Variants in OTUD7A observed in about 807,000 individuals in gnomAD.
OTUD7A encodes the protein OTU domain-containing protein 7A.
In OTUD7A, 12 loss-of-function variants were observed where a neutral mutation model predicts 65.7. The ratio of observed to expected loss-of-function variants is 0.18; its 90% CI spans 0.12 to 0.30. The LOEUF is 0.30. Ranked by LOEUF, OTUD7A falls within the 10% of genes least tolerant of loss-of-function variation. The pLI is 1.00. For missense variants in OTUD7A, 1,148 were observed against 1,304.8 expected, an observed-to-expected ratio of 0.88 and a Z score of 1.85; for synonymous variants, 641 against 586.3, an observed-to-expected ratio of 1.09 and a Z score of -1.35.
chr15:31,582,274 A>G (rs1889395869), intron 3 of OTUD7A, among the ~76,000 whole-genome samples: 1 of 152,258 alleles, frequency 6.6e-6, no homozygotes, highest in Admixed American at 6.5e-5. Context: ...AAAGCCATTC[A>G]GCAAGTCTCT....
rs2202236 is a variant in OTUD7A at position 31,730,481 on chromosome 15, A to G, written c.-99-73404T>C. 1.2e-4 allele frequency among the ~76,000 whole-genome samples: 19 copies of G among 152,262 alleles called. No homozygotes were observed. The South Asian group carries it at 3.5e-3, about 28-fold the overall frequency. ...CTGTCAAAGGCATCAAATTCCCTCT[A>G]TGAGTTTGGCTCTGAAATGTCAACC... On this transcript the variant is annotated intron_variant, in intron 1 of 12. Coordinates refer to ENST00000307050, the MANE Select transcript of OTUD7A (RefSeq NM_001382637.1).
intron 1 of OTUD7A, among the ~76,000 whole-genome samples, chr15:31,809,317 C>G (rs558392328): frequency 3.3e-5 from 5 of 152,322 alleles, no homozygotes; most frequent in African/African-American, 1.2e-4. Context: ...CCTTTGCTGT[C>G]TACCCAATGC....
chr15:31,520,769 A>C (rs1361117925), intron 8 of OTUD7A, among the ~76,000 whole-genome samples: 1 of 152,246 alleles, frequency 6.6e-6, no homozygotes, highest in Non-Finnish European at 1.5e-5. Flanking sequence ...CACTCAATCC[A>C]GCAATCCCAC....
intron 1 of OTUD7A, among the ~76,000 whole-genome samples, chr15:31,868,443 T>C (rs565808632): frequency 1.3e-5 from 2 of 152,322 alleles, no homozygotes; most frequent in African/African-American, 4.8e-5. Context: ...GAGTTTGCAA[T>C]GCAGACCCTG....
chr15:31,675,695 T>A (rs1161379652), intron 1 of OTUD7A, among the ~76,000 whole-genome samples: 1 of 152,162 alleles, frequency 6.6e-6, no homozygotes, highest in Non-Finnish European at 1.5e-5. Flanking sequence ...AAGATCAACA[T>A]CCAAAAATCA....
At chr15:31,575,274 G>C (rs1205107492) in intron 3 of OTUD7A, among the ~76,000 whole-genome samples, 1 of 152,178 alleles carries the variant, frequency 6.6e-6, no homozygotes, top group Non-Finnish European at 1.5e-5. Context: ...CCTGCTTCCA[G>C]GGAATTGTGA....
At chr15:31,821,098 G>A (rs571972730) in intron 1 of OTUD7A, among the ~76,000 whole-genome samples, 1 of 150,898 alleles carries the variant, frequency 6.6e-6, no homozygotes, top group East Asian at 1.9e-4. Flanking sequence ...TATTTTCCAG[G>A]GTCAATCGTT....
At chr15:31,651,082 C>T (rs1424880017) in intron 3 of OTUD7A, among the ~76,000 whole-genome samples, 1 of 128,866 alleles carries the variant, frequency 7.8e-6, no homozygotes, top group East Asian at 2.4e-4. Flanking sequence ...CCATAGAGAC[C>T]TTAGGTAATA....
chr15:31,756,078 C>T (rs1894804157), intron 1 of OTUD7A, among the ~76,000 whole-genome samples: 1 of 152,238 alleles, frequency 6.6e-6, no homozygotes, highest in Non-Finnish European at 1.5e-5. Context: ...GCCCCTTGCC[C>T]AGTCTTGCCC....
At chr15:31,765,550 A>G (rs1360872119) in intron 1 of OTUD7A, among the ~76,000 whole-genome samples, 2 of 152,214 alleles carry the variant, frequency 1.3e-5, no homozygotes, top group African/African-American at 2.4e-5. Flanking sequence ...AGTATATGTT[A>G]TGTGCTCTCA....
chr15:31,865,832 A>C (rs1244791225), intron 1 of OTUD7A, among the ~76,000 whole-genome samples: 1 of 152,226 alleles, frequency 6.6e-6, no homozygotes, highest in Admixed American at 6.5e-5. Context: ...TAATCTAATA[A>C]AACAAATGAA....
intron 1 of OTUD7A, among the ~76,000 whole-genome samples, chr15:31,730,403 T>C (rs1220793961): frequency 3.9e-5 from 6 of 152,214 alleles, no homozygotes; most frequent in Non-Finnish European, 8.8e-5. Flanking sequence ...GCTCTCTCCC[T>C]TCTCTAACTG....
intron 1 of OTUD7A, among the ~76,000 whole-genome samples, chr15:31,799,145 T>G (rs578049879): frequency 6.6e-6 from 1 of 151,896 alleles, no homozygotes; most frequent in East Asian, 1.9e-4. Context: ...AAGGCTGGAG[T>G]GGCTGGGGTG....
chr15:31,655,530 A>C (rs939357182), intron 2 of OTUD7A, among the ~76,000 whole-genome samples: 2 of 151,738 alleles, frequency 1.3e-5, no homozygotes, highest in African/African-American at 4.8e-5. Flanking sequence ...TCATATGTTG[A>C]TATCTAATCT....
chr15:31,792,661 T>A (rs1353434096), intron 1 of OTUD7A, among the ~76,000 whole-genome samples: 1 of 152,228 alleles, frequency 6.6e-6, no homozygotes, highest in Non-Finnish European at 1.5e-5. Flanking sequence ...CACAGCAGAC[T>A]GTTTCATTCT....
At chr15:31,814,761 T>C (rs552023633) in intron 1 of OTUD7A, among the ~76,000 whole-genome samples, 1 of 152,266 alleles carries the variant, frequency 6.6e-6, no homozygotes, top group South Asian at 2.1e-4. Context: ...TGACCTCTAG[T>C]GATATATCCG....
intron 1 of OTUD7A, among the ~76,000 whole-genome samples, chr15:31,664,519 T>TC (rs1892265247): frequency 7.4e-6 from 1 of 135,956 alleles, no homozygotes; most frequent in African/African-American, 3.2e-5. Context: ...GATTTTTTTT[T>TC]CTTACTGATT....
chr15:31,607,466 C>A (rs1026681079), intron 3 of OTUD7A, among the ~76,000 whole-genome samples: 2 of 152,074 alleles, frequency 1.3e-5, no homozygotes, highest in African/African-American at 4.8e-5. Context: ...ACCCCAGTTG[C>A]CTAAAATAAG....
chr15:31,854,983 CAAATG>C (rs1420138565), intron 1 of OTUD7A, among the ~76,000 whole-genome samples: 1 of 151,768 alleles, frequency 6.6e-6, no homozygotes, highest in Non-Finnish European at 1.5e-5. Context: ...CAGAGATAAG[CAAATG>C]AAATGGAGAA....
Sources: gnomAD v4.1 joint callset for allele counts (sites outside exome capture counted in the v4.1 genomes callset) on GRCh38, gnomAD v4.1.1 for gene constraint, MANE v1.5 for transcripts, NCBI Gene and HGNC (gene_info 2026-07-23, HGNC 2026-07-21) for gene names.